ABL1: variants seen among roughly 807,000 people sequenced by gnomAD.
The protein encoded by ABL1 is ABL proto-oncogene 1, non-receptor tyrosine kinase, also known as tyrosine-protein kinase ABL1.
A neutral mutation model predicts 94.7 loss-of-function variants in ABL1; 11 were observed. The ratio of observed to expected loss-of-function variants is 0.12; its 90% confidence interval spans 0.07 to 0.19. ABL1 has a LOEUF of 0.19. Ranked by LOEUF, ABL1 falls within the 10% of genes least tolerant of loss-of-function variation. The probability of loss-of-function intolerance (pLI) is 1.00; values close to 1 mark genes in which losing one functional copy is unlikely to be tolerated. For missense variants in ABL1, 1,082 were observed against 1,489.4 expected (o/e 0.73, Z 4.50); for synonymous variants, 656 against 622.4 (o/e 1.05, Z -0.80).
intron 1 of ABL1, among the ~76,000 whole-genome samples, chr9:130,807,668 T>TTATATATATATATATA (rs35665086): frequency 8.8e-6 from 1 of 113,298 alleles, no homozygotes; most frequent in African/African-American, 3.2e-5. Flanking sequence ...TTCCTTAATT[T>TTATATATATATATATA]TATATATATA....
intron 4 of ABL1, among the ~76,000 whole-genome samples, chr9:130,870,043 C>T (rs557302145): frequency 6.6e-6 from 1 of 151,672 alleles, no homozygotes; most frequent in East Asian, 1.9e-4. Context: ...CAGGTTGTTC[C>T]GGAACTCAGG....
intron 1 of ABL1, among the ~76,000 whole-genome samples, chr9:130,730,998 CTTTTTTTTTT>C (rs11300328): frequency 4.7e-5 from 3 of 64,464 alleles, no homozygotes; most frequent in African/African-American, 7.3e-5. Flanking sequence ...CTCTATCTCT[CTTTTTTTTTT>C]TTTTTTTTTT....
intron 1 of ABL1, among the ~76,000 whole-genome samples, chr9:130,826,479 A>T (rs1455313395): frequency 6.6e-6 from 1 of 152,150 alleles, no homozygotes; most frequent in Non-Finnish European, 1.5e-5. Context: ...AGCCCAAAGG[A>T]GACAGTAGGG....
intron 1 of ABL1, among the ~76,000 whole-genome samples, chr9:130,719,406 G>C (rs937133267): frequency 1.3e-5 from 2 of 152,092 alleles, no homozygotes; most frequent in Non-Finnish European, 2.9e-5. Flanking sequence ...GCAGGTGCCT[G>C]TAGTCCCAGC....
In ABL1 at chr9:130,884,216, C is replaced by T. The variant is rs2133035224; in HGVS notation, c.1926C>T (p.Ser642=). The T allele has an allele frequency of 1.2e-6, 2 of 1,608,404 alleles. No individual in the cohort carries two copies. Among genetic ancestry groups the T allele is most frequent in the Non-Finnish European group, 8.5e-7 (1 of 1,178,000 alleles). The stretch of plus-strand genomic sequence containing the variant: ...GCGAGGAAGAGGGCCGAGACATCAG[C>T]AACGGGGCACTGGCTTTCACCCCCT... ...GAGEEEGRDI[S]NGALAFTPLD... The change falls in exon 11 of 11, where the codon AGC becomes AGT. Residue 642 remains serine (S), a synonymous_variant. Coordinates refer to ENST00000318560, the MANE Select transcript of ABL1 (RefSeq NM_005157.6). This position sits in a 1 kb window ranked among gnomAD's most constrained non-coding sequence, Gnocchi z 5.6.
At chr9:130,749,655 C>T (rs1204604387) in intron 1 of ABL1, among the ~76,000 whole-genome samples, 5 of 152,188 alleles carry the variant, frequency 3.3e-5, no homozygotes, top group African/African-American at 1.2e-4. Context: ...TCTGTTTCTC[C>T]ATCTGTTGAA....
At chr9:130,736,520 C>T (rs1309824149) in intron 1 of ABL1, among the ~76,000 whole-genome samples, 1 of 151,880 alleles carries the variant, frequency 6.6e-6, no homozygotes, top group African/African-American at 2.4e-5. Context: ...GACGAAGTTT[C>T]GCTCTTGTTG....
Position 130,886,986 on chromosome 9 carries a change from T to G in ABL1, c.*1303T>G, listed in dbSNP as rs1301770727. On this transcript the variant is annotated 3_prime_UTR_variant, in exon 11 of 11. Coordinates refer to ENST00000318560, the MANE Select transcript of ABL1 (RefSeq NM_005157.6). The stretch of plus-strand genomic sequence containing the variant: ...ACGGAGCCCCTGAAAGCCTCACGTA[T>G]TTCACAGAGCACGCCTGCCATCTTC... The G allele has an allele frequency of 4.3e-6, 1 of 232,736 alleles. No homozygotes were observed. Among genetic ancestry groups the G allele is most frequent in the Non-Finnish European group, 8.5e-6 (1 of 117,800 alleles). 14.4% of individuals were successfully genotyped at this position (232,736 alleles called of 1,614,324 possible).
At position 130,780,023 on chromosome 9, in the gene ABL1, C is replaced by T. The variant is rs35338090; in HGVS notation, c.136+65568C>T. Among the ~76,000 whole-genome samples, 17 of 152,266 alleles carry T rather than the reference C, an allele frequency of 1.1e-4. No homozygotes were observed. The East Asian group carries it at 2.5e-3, about 23-fold the overall frequency. ...GCCCTGGGCCGGGCGCGGTGGCTCA[C>T]GCCTGTAATCCCAGCACTTTGGGAG... On this transcript the variant is annotated intron_variant, in intron 1 of 10. Coordinates refer to the ABL1 transcript ENST00000372348.
intron 1 of ABL1, among the ~76,000 whole-genome samples, chr9:130,795,689 C>T (rs1020091351): frequency 6.6e-6 from 1 of 152,000 alleles, no homozygotes; most frequent in African/African-American, 2.4e-5. Flanking sequence ...CAATTCTTAA[C>T]AAAAAAGCCA....
chr9:130,878,533 C>T lies in ABL1; in HGVS notation c.1389C>T (p.Gly463=), dbSNP rs780220956. 14 of 1,614,094 alleles carry T rather than the reference C, an allele frequency of 8.7e-6. No individual in the cohort carries two copies. The highest frequency in any genetic ancestry group is 8.0e-5 in the African/African-American group (6 of 74,938). Residue 463 remains glycine (G), a synonymous_variant, in exon 8 of 11, where the codon GGC becomes GGT. Coordinates refer to ENST00000318560, the MANE Select transcript of ABL1 (RefSeq NM_005157.6). ...ACTACCGCATGGAGCGCCCAGAAGG[C>T]TGCCCAGAGAAGGTCTATGAACTCA... ...EKDYRMERPE[G]CPEKVYELMR... is the part of the protein sequence containing the mutation.
intron 1 of ABL1, among the ~76,000 whole-genome samples, chr9:130,716,157 C>T (rs539334186): frequency 1.5e-5 from 2 of 133,876 alleles, no homozygotes; most frequent in African/African-American, 5.4e-5. Flanking sequence ...TGCAGTGTGG[C>T]GATCTCGGCT....
intron 10 of ABL1, among the ~76,000 whole-genome samples, chr9:130,883,510 A>AC (rs914956916): frequency 1.3e-5 from 2 of 151,330 alleles, no homozygotes; most frequent in African/African-American, 4.9e-5. Flanking sequence ...AAAAAAAAAA[A>AC]CCACACACAC....
chr9:130,879,876 A>G (rs928619160), intron 8 of ABL1, among the ~76,000 whole-genome samples, 192 bp from the exon 9 acceptor site: 4 of 152,366 alleles, frequency 2.6e-5, no homozygotes, highest in East Asian at 1.9e-4. Flanking sequence ...TCCTGCCAGC[A>G]TCTAACGTCT....
At chr9:130,733,784 G>T (rs1469059720) in intron 1 of ABL1, among the ~76,000 whole-genome samples, 1 of 151,984 alleles carries the variant, frequency 6.6e-6, no homozygotes, top group African/African-American at 2.4e-5. Flanking sequence ...TAGAGATGGG[G>T]TTTCACCATG....
chr9:130,775,297 A>AGTT (rs1407984897), intron 1 of ABL1, among the ~76,000 whole-genome samples: 1 of 152,250 alleles, frequency 6.6e-6, no homozygotes, highest in Non-Finnish European at 1.5e-5. Flanking sequence ...AATGAACAGT[A>AGTT]GAACTATAGT....
chr9:130,811,519 T>A (rs907770511), intron 1 of ABL1, among the ~76,000 whole-genome samples: 1 of 152,198 alleles, frequency 6.6e-6, no homozygotes, highest in Non-Finnish European at 1.5e-5. Flanking sequence ...TATACTCTTG[T>A]AAGCTTTTTA....
chr9:130,800,711 TTGTA>T (rs1830042997), intron 1 of ABL1, among the ~76,000 whole-genome samples: 1 of 152,206 alleles, frequency 6.6e-6, no homozygotes, highest in South Asian at 2.1e-4. Flanking sequence ...TTTACTCCTG[TTGTA>T]TGTATTTACA....
intron 3 of ABL1, among the ~76,000 whole-genome samples, chr9:130,860,110 T>C (rs1028488285): frequency 1.3e-4 from 20 of 152,136 alleles, no homozygotes; most frequent in Non-Finnish European, 2.4e-4. Flanking sequence ...GACATGCCAT[T>C]CATGACACTA....
Sources: allele counts gnomAD v4.1 joint callset (sites outside exome capture counted in the v4.1 genomes callset), GRCh38; gene constraint gnomAD v4.1.1; non-coding constraint Gnocchi (gnomAD v3.1); transcripts MANE v1.5; gene names NCBI Gene and HGNC (gene_info 2026-07-23, HGNC 2026-07-21).